Variants in CFAP44 observed in about 807,000 individuals in gnomAD.
CFAP44 encodes the protein cilia and flagella associated protein 44.
Under a neutral mutation model 216.2 loss-of-function variants are expected in CFAP44, and 134 were observed. The ratio of observed to expected loss-of-function variants is 0.62; its 90% CI spans 0.54 to 0.72. The LOEUF (loss-of-function observed/expected upper bound fraction) is 0.72, where lower values mean the gene tolerates loss of function less well. Among genes scored for constraint, CFAP44 ranks in the 30% least tolerant of loss-of-function variants. The probability of loss-of-function intolerance (pLI) is 0.00; values close to 1 mark genes in which losing one functional copy is unlikely to be tolerated. For synonymous variants in CFAP44, 700 were observed against 727.6 expected (o/e 0.96, Z 0.61); for missense variants, 2,035 against 2,182.1 (o/e 0.93, Z 1.34).
At position 113,419,883 on chromosome 3, in the gene CFAP44, G is replaced by A. The variant is rs1326928132; in HGVS notation, c.570+134C>T. ...TGAATTGAAAATGCCTTGGAATAAA[G>A]ACAGCTGTGCATCTCATGTGAACCC... On this transcript the variant is annotated intron_variant, in intron 5 of 34. Transcript: ENST00000393845. 3.7e-6 allele frequency: 3 copies of A among 812,382 alleles called. No homozygotes were observed. In the African/African-American group the frequency reaches 5.2e-5, roughly 14 times the overall value. 50.3% of individuals were successfully genotyped at this position (812,382 alleles called of 1,614,324 possible).
At chr3:113,380,233 T>A (rs984633193) in intron 16 of CFAP44, among the ~76,000 whole-genome samples, 1 of 152,156 alleles carries the variant, frequency 6.6e-6, no homozygotes, top group African/African-American at 2.4e-5. Flanking sequence ...CCCAGTGGTC[T>A]AAAATGAAAT....
chr3:113,348,829 A>T (rs1444038349), intron 22 of CFAP44, among the ~76,000 whole-genome samples: 4 of 152,186 alleles, frequency 2.6e-5, no homozygotes, highest in African/African-American at 9.7e-5. Context: ...AGGTACACAG[A>T]TGTCCTACAG....
At chr3:113,328,094 T>C (rs1950203493) in intron 26 of CFAP44, among the ~76,000 whole-genome samples, 2 of 152,004 alleles carry the variant, frequency 1.3e-5, no homozygotes, top group Admixed American at 1.3e-4. Context: ...CTTCTTGCTT[T>C]ACTGTGTAGC....
chr3:113,387,518 G>C (rs567658126), intron 15 of CFAP44, among the ~76,000 whole-genome samples: 73 of 152,136 alleles, frequency 4.8e-4, no homozygotes, highest in Non-Finnish European at 7.6e-4. Flanking sequence ...AGAGCGCTTG[G>C]GCCCCGAATA....
chr3:113,434,313 G>T (rs1423846880), intron 1 of CFAP44, among the ~76,000 whole-genome samples: 1 of 152,130 alleles, frequency 6.6e-6, no homozygotes, highest in Non-Finnish European at 1.5e-5. Flanking sequence ...GTCAGGAGTT[G>T]GCCAGGCAAA....
At chr3:113,403,755 C>T (rs1407421109) in intron 9 of CFAP44, 97 bp downstream of exon 9, 1 of 1,354,882 alleles carries the variant, frequency 7.4e-7, no homozygotes, top group Non-Finnish European at 9.9e-7. Flanking sequence ...GACTACTGAT[C>T]TCCTTCACAA....
chr3:113,304,286 G>A, intron 31 of CFAP44, 169 bp from the exon 32 acceptor site: 1 of 651,858 alleles, frequency 1.5e-6, no homozygotes, highest in South Asian at 2.1e-5. Context: ...ACAGAAAGAT[G>A]CTGTCAGACA....
At chr3:113,424,045 A>G (rs1419651190) in intron 4 of CFAP44, among the ~76,000 whole-genome samples, 1 of 152,252 alleles carries the variant, frequency 6.6e-6, no homozygotes, top group Non-Finnish European at 1.5e-5. Flanking sequence ...TTCACCATGT[A>G]CAGAGAAACC....
intron 28 of CFAP44, among the ~76,000 whole-genome samples, chr3:113,317,902 G>A (rs1239575858): frequency 4.6e-5 from 7 of 152,214 alleles, no homozygotes; most frequent in Non-Finnish European, 8.8e-5. Context: ...TGATTGGAGG[G>A]GGCTCCCCCA....
In CFAP44 at chr3:113,427,249, T is replaced by A. The variant is rs752489992; in HGVS notation, c.191A>T (p.Asp64Val). The A allele has an allele frequency of 6.2e-7, 1 of 1,613,636 alleles. No individual in the cohort carries two copies. Among genetic ancestry groups the A allele is most frequent in the South Asian group, 1.1e-5 (1 of 90,926 alleles). The change falls in exon 3 of 35, where the codon GAT (aspartate) becomes GTT (valine). Residue 64 changes from aspartate to valine, a missense_variant. Asp to Val is a radical substitution (Grantham distance 152). Transcript: ENST00000393845. The stretch of plus-strand genomic sequence containing the variant: ...CAAACTTCCTTCCAAACGTTCCTCA[T>A]CTGAGTCTTCTTCTAAATATGATCC... The part of the protein sequence containing the change: ...GEGSYLEEDS[D>V]EERLEGSLSS...
intron 1 of CFAP44, among the ~76,000 whole-genome samples, chr3:113,436,661 T>A (rs570128652): frequency 1.3e-4 from 20 of 152,306 alleles, no homozygotes; most frequent in African/African-American, 4.6e-4. Flanking sequence ...TATTGGAAAG[T>A]ACTCCCTAAG....
At chr3:113,339,452 A>T (rs1950310707) in intron 24 of CFAP44, among the ~76,000 whole-genome samples, 1 of 152,162 alleles carries the variant, frequency 6.6e-6, no homozygotes, top group Non-Finnish European at 1.5e-5. Context: ...TGCGGTATGT[A>T]CCAATGAAGT....
intron 8 of CFAP44, 87 bp from the exon 9 acceptor site, chr3:113,404,103 T>A: frequency 7.3e-7 from 1 of 1,373,526 alleles, no homozygotes; most frequent in Non-Finnish European, 9.6e-7. Context: ...AAATTATTTT[T>A]TAAGGTTATC....
intron 32 of CFAP44, among the ~76,000 whole-genome samples, chr3:113,300,451 A>G (rs1949923641): frequency 6.7e-6 from 1 of 148,928 alleles, no homozygotes. Flanking sequence ...GTATCTCTGT[A>G]TAAGAATATC....
chr3:113,437,243 A>G (rs993322523), intron 1 of CFAP44, among the ~76,000 whole-genome samples: 5 of 152,224 alleles, frequency 3.3e-5, no homozygotes, highest in Non-Finnish European at 5.9e-5. Context: ...CATAAGCCTC[A>G]TGACTTCATG....
chr3:113,345,109 A>G (rs1412813275), intron 22 of CFAP44, among the ~76,000 whole-genome samples: 4 of 148,434 alleles, frequency 2.7e-5, no homozygotes, highest in Non-Finnish European at 1.5e-5. Context: ...ATATATCTAT[A>G]CATATACATA....
At chr3:113,339,218 GT>G (rs1296014229) in intron 24 of CFAP44, among the ~76,000 whole-genome samples, 1 of 152,046 alleles carries the variant, frequency 6.6e-6, no homozygotes, top group African/African-American at 2.4e-5. Flanking sequence ...GCTATGAGAG[GT>G]TTTTCCTCCA....
chr3:113,366,176 A>C lies in CFAP44; in HGVS notation c.2578T>G (p.Cys860Gly). ...HFNMHDNNYG[C>G]IKSIANSFDD... ...AAGCTATTAGCAATACTTTTAATAC[A>C]TCCATAATTATTGTCATGCATATTG... The change falls in exon 19 of 35, where the codon TGT (cysteine) becomes GGT (glycine). Residue 860 changes from cysteine to glycine, a missense_variant. Cys to Gly is a radical substitution (Grantham distance 159, BLOSUM62 -3). Transcript: ENST00000393845. 6.2e-7 allele frequency: 1 copy of C among 1,614,078 alleles called. No individual in the cohort carries two copies. The highest frequency in any genetic ancestry group is 8.5e-7 in the Non-Finnish European group (1 of 1,179,994).
Position 113,344,607 on chromosome 3 carries a change from G to A in CFAP44, c.3171C>T (p.Phe1057=). ...RLVQPSKYSK[F]KRASQSERKP... The stretch of plus-strand genomic sequence containing the variant: ...TTCTCTCTGATTGACTAGCTCGTTT[G>A]AATTTGGAGTACTTAGAGGGCTGCA... The change falls in exon 23 of 35, where the codon TTC becomes TTT. Residue 1057 remains phenylalanine (F), a synonymous_variant. Transcript: ENST00000393845. 14 of 1,537,026 alleles carry A rather than the reference G, an allele frequency of 9.1e-6. No homozygotes were observed. Among genetic ancestry groups the A allele is most frequent in the Non-Finnish European group, 1.2e-5 (14 of 1,146,834 alleles).
Sources: gnomAD v4.1 joint callset for allele counts (sites outside exome capture counted in the v4.1 genomes callset) on GRCh38, gnomAD v4.1.1 for gene constraint, MANE v1.5 for transcripts, NCBI Gene and HGNC (gene_info 2026-07-23, HGNC 2026-07-21) for gene names.